Variants in NDOR1 observed in about 807,000 individuals in gnomAD.
NDOR1 encodes NADPH dependent diflavin oxidoreductase 1.
Under a neutral mutation model 67.2 loss-of-function variants are expected in NDOR1, and 61 were observed. The observed-to-expected ratio is 0.91, with a 90% CI of 0.74 to 1.12. The LOEUF (loss-of-function observed/expected upper bound fraction) is 1.12. Among genes scored for constraint, NDOR1 ranks in the 50% most tolerant of loss-of-function variants. The pLI is 0.00. For missense variants in NDOR1, 878 were observed against 802.8 expected, an observed-to-expected ratio of 1.09 and a Z score of -1.13; for synonymous variants, 378 against 343.7, an observed-to-expected ratio of 1.10 and a Z score of -1.10.
In NDOR1 at chr9:137,214,282, C is replaced by A. The variant is rs147663463; in HGVS notation, c.591C>A (p.Pro197=). 6.2e-7 allele frequency: 1 copy of A among 1,613,826 alleles called. No individual in the cohort carries two copies. The highest frequency in any genetic ancestry group is 1.1e-5 in the South Asian group (1 of 91,090). ...CTGAGGGGCAGCGGGTAGCTCACCCCGGCTCTCAGGAGCCCCCGTCAGAGT... is the reference window on the plus strand; with the variant it reads ...CTGAGGGGCAGCGGGTAGCTCACCCAGGCTCTCAGGAGCCCCCGTCAGAGT... ...TGSEGQRVAH[P]GSQEPPSESK... Residue 197 remains proline (P), a synonymous_variant, in exon 6 of 14, where the codon CCC becomes CCA. Coordinates refer to ENST00000684003, the MANE Select transcript of NDOR1 (RefSeq NM_014434.4).
chr9:137,206,105 C>T, intron 1 of NDOR1, 127 bp from the exon 2 acceptor site: 3 of 1,442,838 alleles, frequency 2.1e-6, no homozygotes, highest in Non-Finnish European at 2.9e-6. Context: ...AAAGAGAAGA[C>T]GGTCTGGCTG....
At chr9:137,208,001 G>A (rs1202327095) in intron 2 of NDOR1, among the ~76,000 whole-genome samples, 5 of 151,654 alleles carry the variant, frequency 3.3e-5, no homozygotes, top group Non-Finnish European at 5.9e-5. Context: ...AATTAGCTGG[G>A]CACGGCGCAG....
intron 3 of NDOR1, 120 bp from the exon 4 acceptor site, chr9:137,213,660 G>A (rs939600366): frequency 2.9e-5 from 29 of 1,011,360 alleles, no homozygotes; most frequent in Non-Finnish European, 3.5e-5. Context: ...TTTTCCACCC[G>A]AGGGAGGCCC....
chr9:137,215,656 T>C lies in NDOR1; in HGVS notation c.1289-3T>C, dbSNP rs760249616. On this transcript the variant is annotated splice_region_variant and splice_polypyrimidine_tract_variant and intron_variant, in intron 10 of 13. Coordinates refer to ENST00000684003, the MANE Select transcript of NDOR1 (RefSeq NM_014434.4). ...TCTTCATGCCACCTCCTTCCTGCAA[T>C]AGGACCTGTCCGGGTGCCCCTCTGG... 30 of 1,574,344 alleles carry C rather than the reference T, an allele frequency of 1.9e-5. 1 individual carries two copies. In the South Asian group the frequency reaches 2.5e-4, roughly 13 times the overall value.
Position 137,214,058 on chromosome 9 carries a change from C to G in NDOR1, c.502C>G (p.Pro168Ala). Residue 168 changes from proline to alanine, a missense_variant, in exon 5 of 14, where the codon CCC becomes GCC. Coordinates refer to ENST00000684003, the MANE Select transcript of NDOR1 (RefSeq NM_014434.4). ...PPPPGLTEIPPGVPLPSKFTL... is the reference protein window; with the variant it reads ...PPPPGLTEIPAGVPLPSKFTL... ...GCCTCCGGGCCTCACTGAGATCCCT[C>G]CCGGAGTCCCGTGAGTGTGGGCCCC... The G allele has an allele frequency of 1.3e-6, 2 of 1,540,676 alleles. No homozygotes were observed. The highest frequency in any genetic ancestry group is 1.7e-6 in the Non-Finnish European group (2 of 1,146,708).
At chr9:137,206,154 G>A in intron 1 of NDOR1, 78 bp from the exon 2 acceptor site, 2 of 1,566,614 alleles carry the variant, frequency 1.3e-6, no homozygotes, top group Non-Finnish European at 1.8e-6. Flanking sequence ...CTGAGTAAAG[G>A]AGAAGGGGGT....
At chr9:137,215,063 G>A (rs1428494744) in intron 8 of NDOR1, 32 bp from the exon 9 acceptor site, 8 of 1,613,196 alleles carry the variant, frequency 5.0e-6, no homozygotes, top group African/African-American at 2.7e-5. Flanking sequence ...CTACAGCCAC[G>A]CTGCAGCCAC....
Position 137,214,010 on chromosome 9 carries a change from A to G in NDOR1, c.454A>G (p.Arg152Gly), listed in dbSNP as rs923956738. 7 of 1,552,308 alleles carry G rather than the reference A, an allele frequency of 4.5e-6. No homozygotes were observed. The African/African-American group carries it at 8.2e-5, about 18-fold the overall frequency. ...CCCCTGGCTGCGAGACTTGTGGGAC[A>G]GGGTTCTGGGGCTGTACCCGCCGCC... is the stretch of plus-strand genomic sequence containing the variant. The part of the protein sequence containing the change: ...VDPWLRDLWD[R>G]VLGLYPPPPG... Residue 152 changes from arginine (R) to glycine (G), a missense_variant, in exon 5 of 14, where the codon AGG becomes GGG. Coordinates refer to ENST00000684003, the MANE Select transcript of NDOR1 (RefSeq NM_014434.4).
chr9:137,206,844 G>T (rs1396125635), intron 2 of NDOR1, among the ~76,000 whole-genome samples: 1 of 152,208 alleles, frequency 6.6e-6, no homozygotes, highest in Non-Finnish European at 1.5e-5. Context: ...CAACCTTGGG[G>T]CCCAGGCAGA....
At position 137,216,116 on chromosome 9, in the gene NDOR1, A is replaced by G; in HGVS notation, c.1577A>G (p.His526Arg). The G allele has an allele frequency of 6.2e-7, 1 of 1,613,482 alleles. No homozygotes were observed. Among genetic ancestry groups the G allele is most frequent in the Non-Finnish European group, 8.5e-7 (1 of 1,179,984 alleles). ...REQEQKVYVQ[H>R]RLRELGSLVW... ...CAGGAGCAGAAAGTATATGTGCAGC[A>G]CCGGCTCCGGGAGCTGGGGTCGCTT... is the stretch of plus-strand genomic sequence containing the variant. Residue 526 changes from histidine (H) to arginine (R), a missense_variant, in exon 13 of 14, where the codon CAC becomes CGC. His to Arg is a conservative substitution (Grantham distance 29). Coordinates refer to ENST00000684003, the MANE Select transcript of NDOR1 (RefSeq NM_014434.4).
At position 137,217,843 on chromosome 9, in the gene NDOR1, C is replaced by T; in HGVS notation, c.*1427C>T. 2.5e-6 allele frequency: 1 copy of T among 398,264 alleles called. No homozygotes were observed. The highest frequency in any genetic ancestry group is 1.4e-4 in the South Asian group (1 of 7,068). The allele number at this position is 398,264 out of a possible 1,614,324, so 24.7% of individuals were successfully genotyped here. ...GGGCCCCCACCCTCCACCTGGCCGA[C>T]TCCAGCTCTGGGCCTGTCAGTCCAC... On this transcript the variant is annotated 3_prime_UTR_variant, in exon 14 of 14. Transcript: ENST00000684003.
At position 137,205,920 on chromosome 9, in the gene NDOR1, C is replaced by T; in HGVS notation, c.135+8C>T. 6.3e-7 allele frequency: 1 copy of T among 1,579,594 alleles called. No homozygotes were observed. The highest frequency in any genetic ancestry group is 8.6e-7 in the Non-Finnish European group (1 of 1,168,044). On this transcript the variant is annotated splice_region_variant and intron_variant, in intron 1 of 13. Coordinates refer to ENST00000684003, the MANE Select transcript of NDOR1 (RefSeq NM_014434.4). The stretch of plus-strand genomic sequence containing the variant: ...CTGGACTCCTACCCGGTGGTGAGGG[C>T]TCGCTAGGGCCTCGGCGTGGGGGAC...
At position 137,215,669 on chromosome 9, in the gene NDOR1, G is replaced by T; in HGVS notation, c.1299G>T (p.Arg433=). 3.2e-6 allele frequency: 5 copies of T among 1,571,288 alleles called. No individual in the cohort carries two copies. The highest frequency in any genetic ancestry group is 3.5e-6 in the Non-Finnish European group (4 of 1,158,054). The change falls in exon 11 of 14, where the codon CGG becomes CGT. Residue 433 remains arginine, a synonymous_variant. Transcript: ENST00000684003. Reference sequence around the variant, plus strand: ...TCCTTCCTGCAATAGGACCTGTCCGGGTGCCCCTCTGGGTGCGGCCTGGGA... The same window carrying T: ...TCCTTCCTGCAATAGGACCTGTCCGTGTGCCCCTCTGGGTGCGGCCTGGGA... The part of the protein sequence containing the change: ...ASLDPGQGPV[R]VPLWVRPGSL...
chr9:137,215,791 C>T lies in NDOR1; in HGVS notation c.1421C>T (p.Ala474Val). 1 of 1,596,552 alleles carries T rather than the reference C, an allele frequency of 6.3e-7. No homozygotes were observed. The highest frequency in any genetic ancestry group is 8.5e-7 in the Non-Finnish European group (1 of 1,170,828). The stretch of plus-strand genomic sequence containing the variant: ...CGAGCAGCCATCCAGGAGCGTGTGG[C>T]CCAGGGCCAGACTGGTGAGCACCCA... ...PFRAAIQERV[A>V]QGQTGNFLFF... Residue 474 changes from alanine to valine, a missense_variant, in exon 11 of 14, where the codon GCC becomes GTC. Ala to Val is a moderately conservative substitution (Grantham distance 64). Transcript: ENST00000684003.
chr9:137,207,386 C>T (rs2131363312), intron 2 of NDOR1, among the ~76,000 whole-genome samples: 1 of 151,976 alleles, frequency 6.6e-6, no homozygotes, highest in South Asian at 2.1e-4. Flanking sequence ...CCACAGAAAT[C>T]AGAGAACACG....
intron 3 of NDOR1, 103 bp from the exon 4 acceptor site, chr9:137,213,677 G>A: frequency 8.4e-7 from 1 of 1,187,300 alleles, no homozygotes; most frequent in Non-Finnish European, 1.2e-6. Flanking sequence ...GCCCTCCCCA[G>A]GCTCCACTCT....
At chr9:137,213,321 G>A (rs1015013145) in intron 3 of NDOR1, among the ~76,000 whole-genome samples, 2 of 152,314 alleles carry the variant, frequency 1.3e-5, no homozygotes, top group South Asian at 2.1e-4. Context: ...AGGGAGGAGC[G>A]TGACCCAGAG....
intron 2 of NDOR1, among the ~76,000 whole-genome samples, chr9:137,207,677 G>C (rs1835038105): frequency 2.6e-5 from 4 of 152,190 alleles, no homozygotes; most frequent in East Asian, 1.9e-4. Flanking sequence ...GCTCTGGCAT[G>C]TAAAGCTGCA....
chr9:137,207,294 G>A (rs1378329366), intron 2 of NDOR1, among the ~76,000 whole-genome samples: 3 of 151,804 alleles, frequency 2.0e-5, no homozygotes, highest in South Asian at 2.1e-4. Context: ...GAGAGTCCCC[G>A]GGACATGGAA....
Sources: gnomAD v4.1 joint callset for allele counts (sites outside exome capture counted in the v4.1 genomes callset) on GRCh38, gnomAD v4.1.1 for gene constraint, MANE v1.5 for transcripts, NCBI Gene and HGNC (gene_info 2026-07-23, HGNC 2026-07-21) for gene names.